The following NCOA1 variants were observed in gnomAD, a reference collection of about 807,000 sequenced individuals.
The protein encoded by NCOA1 is Hin-2 protein.
NCOA1 carries 35 observed loss-of-function variants against 150.9 expected under a neutral mutation model. The observed-to-expected ratio is 0.23, with a 90% CI of 0.18 to 0.31. The LOEUF is 0.31. NCOA1 is among the 10% of genes least tolerant of loss of function. The pLI, the probability that NCOA1 is intolerant of heterozygous loss-of-function variation, is 1.00. For synonymous variants in NCOA1, 590 were observed against 630.0 expected (o/e 0.94, Z 0.95); for missense variants, 1,491 against 1,749.3 (o/e 0.85, Z 2.63).
intron 3 of NCOA1, among the ~76,000 whole-genome samples, chr2:24,635,601 A>C (rs1366697908): frequency 1.3e-5 from 2 of 152,254 alleles, no homozygotes; most frequent in Non-Finnish European, 2.9e-5. Flanking sequence ...AAGTCAAATA[A>C]TAAGAGAGAA....
chr2:24,732,452 C>CT (rs1663066203), intron 17 of NCOA1, among the ~76,000 whole-genome samples: 1 of 152,218 alleles, frequency 6.6e-6, no homozygotes, highest in Admixed American at 6.5e-5. Flanking sequence ...TGTTCCTTCT[C>CT]TTTTAAGCCA....
At chr2:24,554,996 C>T (rs577346724) in intron 1 of NCOA1, among the ~76,000 whole-genome samples, 2 of 151,954 alleles carry the variant, frequency 1.3e-5, no homozygotes, top group Non-Finnish European at 2.9e-5. Context: ...TGTCATCTCA[C>T]ACCAGGAAAA....
chr2:24,611,252 A>C (rs557358312), intron 3 of NCOA1, among the ~76,000 whole-genome samples: 3 of 152,306 alleles, frequency 2.0e-5, no homozygotes, highest in Admixed American at 2.0e-4. Flanking sequence ...AATGGCCTAC[A>C]TCCACGTTGT....
intron 22 of NCOA1, among the ~76,000 whole-genome samples, chr2:24,763,886 T>C (rs2148703315): frequency 6.6e-6 from 1 of 152,050 alleles, no homozygotes; most frequent in East Asian, 1.9e-4. Context: ...CCTCCCAAAG[T>C]GCTAGGATTA....
intron 14 of NCOA1, among the ~76,000 whole-genome samples, chr2:24,719,667 C>T (rs965493892): frequency 6.6e-6 from 1 of 152,036 alleles, no homozygotes; most frequent in Non-Finnish European, 1.5e-5. Flanking sequence ...CCAAAAGAGA[C>T]GGAGGAAGCA....
chr2:24,690,651 C>CAAAAAAAAAAAAAAAAA (rs70947837), intron 8 of NCOA1, among the ~76,000 whole-genome samples: 8 of 38,442 alleles, frequency 2.1e-4, no homozygotes, highest in East Asian at 9.9e-4. Context: ...GATTCCATCT[C>CAAAAAAAAAAAAAAAAA]AAAAAAAAAA....
intron 22 of NCOA1, among the ~76,000 whole-genome samples, chr2:24,766,333 A>G (rs1331506598): frequency 1.3e-5 from 2 of 152,240 alleles, no homozygotes. Context: ...TTTCATATGT[A>G]GAAACATAAA....
At chr2:24,675,422 A>G (rs1344253193) in intron 7 of NCOA1, among the ~76,000 whole-genome samples, 1 of 152,046 alleles carries the variant, frequency 6.6e-6, no homozygotes, top group Non-Finnish European at 1.5e-5. Context: ...GAATGAGTGT[A>G]CTCCTGCTAT....
chr2:24,560,094 C>G (rs1169228041), intron 1 of NCOA1, among the ~76,000 whole-genome samples: 1 of 152,170 alleles, frequency 6.6e-6, no homozygotes, highest in South Asian at 2.1e-4. Flanking sequence ...ACTAATCTTT[C>G]TTGTGAGCAC....
At chr2:24,496,004 TC>T (rs1396362296) in intron 1 of NCOA1, among the ~76,000 whole-genome samples, 1 of 152,240 alleles carries the variant, frequency 6.6e-6, no homozygotes, top group Non-Finnish European at 1.5e-5. Context: ...TATTTCTGGT[TC>T]TGCAATCTGG....
chr2:24,709,006 T>C lies in NCOA1; in HGVS notation c.2418+1118T>C, dbSNP rs532561221. Among the ~76,000 whole-genome samples the C allele has an allele frequency of 2.0e-5, 3 of 152,340 alleles. No individual in the cohort carries two copies. In the South Asian group the frequency reaches 6.2e-4, roughly 32 times the overall value. ...GACATTTCCTGCTTCTGTCCTTTTG[T>C]GGTGCTTCATATCATCTCTGTTTAC... On this transcript the variant is annotated intron_variant, in intron 13 of 22. Coordinates refer to ENST00000348332, the MANE Select transcript of NCOA1 (RefSeq NM_003743.5).
intron 3 of NCOA1, among the ~76,000 whole-genome samples, chr2:24,590,880 G>GTTTATTTGTTTTATTTA (rs1394729095): frequency 2.6e-5 from 4 of 152,018 alleles, no homozygotes; most frequent in African/African-American, 9.7e-5. Context: ...ATACTGTATT[G>GTTTATTTGTTTTATTTA]TTTATTTGTT....
chr2:24,536,314 G>A (rs766587864), intron 1 of NCOA1, among the ~76,000 whole-genome samples: 1 of 152,114 alleles, frequency 6.6e-6, no homozygotes, highest in African/African-American at 2.4e-5. Context: ...GTAATTTAAG[G>A]TCTTCTCTAC....
At chr2:24,759,892 G>T (rs1261457252) in intron 21 of NCOA1, among the ~76,000 whole-genome samples, 1 of 151,638 alleles carries the variant, frequency 6.6e-6, no homozygotes, top group East Asian at 1.9e-4. Flanking sequence ...ATTTATATAT[G>T]TTCTGTTCCC....
At chr2:24,665,696 A>G in intron 5 of NCOA1, 53 bp from the exon 6 acceptor site, 1 of 1,329,262 alleles carries the variant, frequency 7.5e-7, no homozygotes, top group Non-Finnish European at 9.9e-7. Flanking sequence ...TTGATCAGAG[A>G]AGGAAATATG....
In NCOA1 at chr2:24,762,740, C is replaced by A. The variant is rs780306164; in HGVS notation, c.4119C>A (p.Ser1373=). The change falls in exon 22 of 23, where the codon TCC becomes TCA. Residue 1373 remains serine, a synonymous_variant. Transcript: ENST00000348332. ...GCCTCTACTGCAACCAGCTCTCATC[C>A]ACTGACCTTCTCAAAACAGAAGCAG... ...HTGLYCNQLS[S]TDLLKTEADG... 6.2e-7 allele frequency: 1 copy of A among 1,614,076 alleles called. No individual in the cohort carries two copies. The highest frequency in any genetic ancestry group is 8.5e-7 in the Non-Finnish European group (1 of 1,179,944).
chr2:24,491,621 G>A lies in NCOA1; in HGVS notation c.-396+19G>A, dbSNP rs986268893. The stretch of plus-strand genomic sequence containing the variant: ...GCGGCAGGTGAGTGGCGGGCTGCGG[G>A]TGCGGAGCCTCCCGGTGGGTGCAGC... On this transcript the variant is annotated intron_variant, in intron 1 of 22. Transcript: ENST00000348332. Among the ~76,000 whole-genome samples, 6 of 140,574 alleles carry A rather than the reference G, an allele frequency of 4.3e-5. No individual in the cohort carries two copies. The highest frequency in any genetic ancestry group is 1.6e-4 in the African/African-American group (6 of 38,194). 92.2% of individuals were successfully genotyped at this position (140,574 alleles called of 152,430 possible).
At chr2:24,512,323 A>G (rs999616248) in intron 1 of NCOA1, among the ~76,000 whole-genome samples, 11 of 152,244 alleles carry the variant, frequency 7.2e-5, no homozygotes, top group Admixed American at 2.0e-4. Context: ...TAGGAGCTCA[A>G]TAGGTTTAAT....
chr2:24,762,160 G>A (rs555054329), intron 21 of NCOA1, among the ~76,000 whole-genome samples: 50 of 152,370 alleles, frequency 3.3e-4, no homozygotes, highest in African/African-American at 1.2e-3. Context: ...TAGGCTGGGC[G>A]GTTGCCACAG....
Sources: allele counts gnomAD v4.1 joint callset (sites outside exome capture counted in the v4.1 genomes callset), GRCh38; gene constraint gnomAD v4.1.1; transcripts MANE v1.5; gene names NCBI Gene and HGNC (gene_info 2026-07-23, HGNC 2026-07-21).